The following SLC52A3 variants were observed in gnomAD, a reference collection of about 807,000 sequenced individuals.
SLC52A3 encodes solute carrier family 52, riboflavin transporter, member 3.
Under a neutral mutation model 29.5 loss-of-function variants are expected in SLC52A3, and 20 were observed. That is an observed-to-expected ratio of 0.68 (90% CI 0.48 to 0.99). SLC52A3 has a LOEUF of 0.99. Ranked by LOEUF, SLC52A3 falls within the 50% of genes least tolerant of loss-of-function variation. SLC52A3 has a pLI of 0.00. For synonymous variants in SLC52A3, 301 were observed against 271.0 expected (o/e 1.11, Z -1.09); for missense variants, 548 against 612.9 (o/e 0.89, Z 1.12).
At chr20:779,434 C>T (rs1225429686), upstream of SLC52A3, among the ~76,000 whole-genome samples, 1 of 152,102 alleles carries the variant, frequency 6.6e-6, no homozygotes, top group Non-Finnish European at 1.5e-5. Context: ...CCAGCCTGGC[C>T]AACAAGATGA....
At chr20:772,989 C>T (rs944741295), upstream of SLC52A3, among the ~76,000 whole-genome samples, 2 of 152,216 alleles carry the variant, frequency 1.3e-5, no homozygotes, top group African/African-American at 4.8e-5. Flanking sequence ...GCCAGTGTGG[C>T]CGCAGCAGCG....
chr20:766,863 T>C lies in SLC52A3; in HGVS notation c.-51-1038A>G, dbSNP rs187114330. Among the ~76,000 whole-genome samples the C allele has an allele frequency of 6.6e-5, 10 of 152,280 alleles. No homozygotes were observed. In the East Asian group the frequency reaches 1.9e-3, roughly 29 times the overall value. ...ACCCCATATAGAAGAGGGCCAAGGA[T>C]ATGAACAATTCAGAGAAAAAGGTAC... On this transcript the variant is annotated intron_variant, in intron 1 of 4. Transcript: ENST00000645534.
At chr20:764,721 T>G (rs1421371956) in intron 2 of SLC52A3, among the ~76,000 whole-genome samples, 1 of 152,280 alleles carries the variant, frequency 6.6e-6, no homozygotes, top group Non-Finnish European at 1.5e-5. Flanking sequence ...GTTGCCATTT[T>G]GTAAGATAAA....
upstream of SLC52A3, chr20:768,726 C>G (rs1944355103): frequency 2.0e-5 from 3 of 152,392 alleles, no homozygotes; most frequent in South Asian, 6.2e-4. Context: ...CGCTCTGCCC[C>G]CTCCCTTCTG....
chr20:767,522 A>AT (rs375580583), intron 1 of SLC52A3, among the ~76,000 whole-genome samples: 64 of 151,926 alleles, frequency 4.2e-4, no homozygotes, highest in African/African-American at 1.4e-3. Flanking sequence ...CGCCCAGCTA[A>AT]TTTTTTGTAT....
intron 4 of SLC52A3, 138 bp from the exon 5 acceptor site, chr20:761,376 C>A (rs971930525): frequency 7.9e-6 from 8 of 1,013,914 alleles, no homozygotes; most frequent in East Asian, 5.2e-5. Flanking sequence ...AGTGAGCCTG[C>A]GGGGCCGACG....
Position 761,720 on chromosome 20 carries a change from C to G in SLC52A3, c.1178G>C (p.Trp393Ser). The G allele has an allele frequency of 1.9e-6, 3 of 1,614,008 alleles. No individual in the cohort carries two copies. The highest frequency in any genetic ancestry group is 2.5e-6 in the Non-Finnish European group (3 of 1,179,988). ...MSPCPLLQGH[W>S]GGEVLIVASW... ...ACTCACAATGAGGACTTCCCCACCCCAGTGGCCCTGCAAGAGGGGGCAGGG... is the reference window on the plus strand; with the variant it reads ...ACTCACAATGAGGACTTCCCCACCCGAGTGGCCCTGCAAGAGGGGGCAGGG... The change falls in exon 4 of 5, where the codon TGG (tryptophan) becomes TCG (serine). Residue 393 changes from tryptophan (W) to serine (S), a missense_variant. By Grantham distance (177) the Trp-to-Ser change is radical (BLOSUM62 -3). Transcript: ENST00000645534.
At chr20:776,894 T>TG (rs1987056918), upstream of SLC52A3, among the ~76,000 whole-genome samples, 1 of 144,784 alleles carries the variant, frequency 6.9e-6, no homozygotes, top group Admixed American at 7.0e-5. Context: ...GCGGTCCTGG[T>TG]GGAGACATCA....
At chr20:773,978 A>C (rs1401528270) in intron 1 of SLC52A3, among the ~76,000 whole-genome samples, 1 of 150,812 alleles carries the variant, frequency 6.6e-6, no homozygotes, top group Non-Finnish European at 1.5e-5. Context: ...CCATCAAAGT[A>C]TTACTGACAC....
upstream of SLC52A3, among the ~76,000 whole-genome samples, chr20:776,866 G>T (rs1987054790): frequency 6.8e-6 from 1 of 147,006 alleles, no homozygotes; most frequent in Non-Finnish European, 1.5e-5. Context: ...TGGGGGGGGG[G>T]CCACAGGAGC....
chr20:770,689 T>A (rs982922158), upstream of SLC52A3, among the ~76,000 whole-genome samples: 6 of 152,214 alleles, frequency 3.9e-5, no homozygotes, highest in African/African-American at 1.4e-4. The surrounding 1 kb of genome is among the most constrained non-coding windows in gnomAD (Gnocchi z 4.5). Flanking sequence ...ATACCACGAC[T>A]AAAACCAGAA....
At position 761,058 on chromosome 20, in the gene SLC52A3, C is replaced by T. The variant is rs1193237753; in HGVS notation, c.1378G>A (p.Ala460Thr). Residue 460 changes from alanine (A) to threonine (T), a missense_variant, in exon 5 of 5, where the codon GCG becomes ACG. By Grantham distance (58) the Ala-to-Thr change is moderately conservative. Coordinates refer to ENST00000645534, the MANE Select transcript of SLC52A3 (RefSeq NM_033409.4). ...GGACAGTGCAGATTGCAGAAGTCCG[C>T]GGACGAGAAGAGCCGCAGCACGTTG... Reference protein sequence around the residue: ...LVNVLRLFSSADFCNLHCPA With the variant: ...LVNVLRLFSSTDFCNLHCPA 3 of 1,609,402 alleles carry T rather than the reference C, an allele frequency of 1.9e-6. No individual in the cohort carries two copies. The highest frequency in any genetic ancestry group is 2.5e-6 in the Non-Finnish European group (3 of 1,178,514).
upstream of SLC52A3, chr20:768,533 C>T (rs1404727278): frequency 3.3e-5 from 5 of 152,362 alleles, no homozygotes; most frequent in East Asian, 9.6e-4. Context: ...CCAGGAAACT[C>T]CTGAATCCTG....
chr20:774,405 T>C (rs1199706862), intron 1 of SLC52A3, among the ~76,000 whole-genome samples: 1 of 151,684 alleles, frequency 6.6e-6, no homozygotes, highest in Non-Finnish European at 1.5e-5. Flanking sequence ...CTCACCCTCA[T>C]GAGAGTGGGT....
intron 3 of SLC52A3, among the ~76,000 whole-genome samples, chr20:762,565 C>T (rs950893090): frequency 1.3e-5 from 2 of 152,194 alleles, no homozygotes; most frequent in African/African-American, 2.4e-5. Flanking sequence ...TCTGCCTATA[C>T]CCTTAAAGAC....
chr20:771,277 A>G (rs760255854), upstream of SLC52A3, among the ~76,000 whole-genome samples: 1 of 152,176 alleles, frequency 6.6e-6, no homozygotes, highest in Non-Finnish European at 1.5e-5. Context: ...AACACAAAAA[A>G]TTAGCCAGGT....
intron 1 of SLC52A3, among the ~76,000 whole-genome samples, chr20:774,079 C>T (rs1252340138): frequency 6.6e-6 from 1 of 152,210 alleles, no homozygotes; most frequent in Non-Finnish European, 1.5e-5. Flanking sequence ...GGGGCTTGTC[C>T]TCTCCCCCAG....
In SLC52A3 at chr20:765,616, G is replaced by A. The variant is rs773119686; in HGVS notation, c.159C>T (p.Ile53=). ...YLTVVIQLAN[I]GPLLVTLLHH... ...GGAGCAGGGTGACCAGGAGGGGCCC[G>A]ATGTTGGCCAGCTGGATGACCACCG... is the stretch of plus-strand genomic sequence containing the variant. Residue 53 remains isoleucine (I), a synonymous_variant, in exon 2 of 5, where the codon ATC becomes ATT. Coordinates refer to ENST00000645534, the MANE Select transcript of SLC52A3 (RefSeq NM_033409.4). The surrounding 1 kb of genome is among the most constrained non-coding windows in gnomAD (Gnocchi z 6.6). The A allele has an allele frequency of 1.1e-5, 18 of 1,602,464 alleles. No homozygotes were observed. The highest frequency in any genetic ancestry group is 6.7e-5 in the African/African-American group (5 of 74,852).
chr20:761,024 G>A lies in SLC52A3; in HGVS notation c.*2C>T, dbSNP rs773959327. ...GCGATGGGGGCGGGGTCGGCGGCCT[G>A]CCTAGGCTGGACAGTGCAGATTGCA... On this transcript the variant is annotated 3_prime_UTR_variant, in exon 5 of 5. Coordinates refer to ENST00000645534, the MANE Select transcript of SLC52A3 (RefSeq NM_033409.4). 6.2e-7 allele frequency: 1 copy of A among 1,600,268 alleles called. No individual in the cohort carries two copies. The highest frequency in any genetic ancestry group is 8.5e-7 in the Non-Finnish European group (1 of 1,174,728).
Sources: gnomAD v4.1 joint callset for allele counts (sites outside exome capture counted in the v4.1 genomes callset) on GRCh38, gnomAD v4.1.1 for gene constraint, Gnocchi (gnomAD v3.1) non-coding constraint, MANE v1.5 for transcripts, NCBI Gene and HGNC (gene_info 2026-07-23, HGNC 2026-07-21) for gene names.